The following EIF5B variants were observed in gnomAD, a reference collection of about 807,000 sequenced individuals.
EIF5B encodes eukaryotic translation initiation factor 5B, also known as eIF-5B.
EIF5B carries 47 observed loss-of-function variants against 147.5 expected under a neutral mutation model. The observed-to-expected ratio is 0.32, with a 90% CI of 0.25 to 0.41. The LOEUF (loss-of-function observed/expected upper bound fraction) is 0.41. EIF5B is among the 10% of genes least tolerant of loss of function. The probability of loss-of-function intolerance (pLI) is 1.00; values close to 1 mark genes in which losing one functional copy is unlikely to be tolerated. For missense variants in EIF5B, 1,064 were observed against 1,413.2 expected (o/e 0.75, Z 3.96); for synonymous variants, 455 against 456.2 (o/e 1.00, Z 0.03).
At chr2:99,378,280 A>G (rs1559255240) in intron 10 of EIF5B, among the ~76,000 whole-genome samples, 2 of 152,202 alleles carry the variant, frequency 1.3e-5, no homozygotes, top group African/African-American at 2.4e-5. Flanking sequence ...CTTCAAGTTT[A>G]TCTAATTTGA....
At chr2:99,383,877 G>C (rs1312022664) in intron 14 of EIF5B, among the ~76,000 whole-genome samples, 2 of 152,084 alleles carry the variant, frequency 1.3e-5, no homozygotes, top group African/African-American at 4.8e-5. Context: ...TCTAGTTAGG[G>C]TCTAATGTGG....
intron 1 of EIF5B, among the ~76,000 whole-genome samples, chr2:99,358,827 A>C (rs1193568805): frequency 3.9e-5 from 6 of 152,194 alleles, no homozygotes; most frequent in Non-Finnish European, 8.8e-5. Context: ...ACTGCAGCAG[A>C]TCAGTGTCAA....
Position 99,376,384 on chromosome 2 carries a change from C to T in EIF5B, c.1590C>T (p.Asn530=), listed in dbSNP as rs752240599. 1.3e-6 allele frequency: 2 copies of T among 1,513,380 alleles called. No homozygotes were observed. Among genetic ancestry groups the T allele is most frequent in the African/African-American group, 1.4e-5 (1 of 70,662 alleles). The allele number at this position is 1,513,380 out of a possible 1,614,324, so 93.7% of individuals were successfully genotyped here. A position where few individuals can be genotyped will look rare whatever the true frequency, so the allele number is the denominator to read the frequency against. ...GNKVHIEVKE[N]PEEEEEEEEE... is the part of the protein sequence containing the mutation. ...AAGTTCATATAGAAGTAAAAGAAAA[C>T]CCTGAAGAGGAGGAGGAGGAGGAAG... The change falls in exon 10 of 24, where the codon AAC becomes AAT. Residue 530 remains asparagine, a synonymous_variant. Coordinates refer to ENST00000289371, the MANE Select transcript of EIF5B (RefSeq NM_015904.4).
intron 1 of EIF5B, among the ~76,000 whole-genome samples, chr2:99,339,303 G>A (rs1029945945): frequency 6.6e-6 from 1 of 151,528 alleles, no homozygotes; most frequent in Non-Finnish European, 1.5e-5. Flanking sequence ...GTGATCCATC[G>A]CCCCTGGCCC....
chr2:99,356,909 T>A (rs1674108842), intron 1 of EIF5B, among the ~76,000 whole-genome samples: 1 of 152,208 alleles, frequency 6.6e-6, no homozygotes, highest in Non-Finnish European at 1.5e-5. Context: ...TGCCCCTAAT[T>A]TGACAAGGTG....
intron 4 of EIF5B, among the ~76,000 whole-genome samples, chr2:99,363,240 T>C (rs1476353481): frequency 6.6e-6 from 1 of 152,182 alleles, no homozygotes; most frequent in Admixed American, 6.5e-5. Context: ...CTTGTAGAAG[T>C]GAAATTAGCT....
intron 1 of EIF5B, 65 bp from the exon 2 acceptor site, chr2:99,360,171 T>G (rs552085788): frequency 1.3e-6 from 2 of 1,523,008 alleles, no homozygotes; most frequent in African/African-American, 2.8e-5. Context: ...AATGATAAAA[T>G]CTATATAAAT....
At chr2:99,343,780 C>G (rs1003345182) in intron 1 of EIF5B, among the ~76,000 whole-genome samples, 10 of 151,202 alleles carry the variant, frequency 6.6e-5, no homozygotes, top group African/African-American at 2.4e-4. Flanking sequence ...CACCACTGCA[C>G]GTCAGCCTGG....
At chr2:99,348,529 A>C (rs2094277911) in intron 1 of EIF5B, among the ~76,000 whole-genome samples, 1 of 152,236 alleles carries the variant, frequency 6.6e-6, no homozygotes, top group African/African-American at 2.4e-5. Flanking sequence ...GAGATGTCAG[A>C]AGGTAACCTG....
At chr2:99,398,439 C>T in intron 22 of EIF5B, 1 of 227,978 alleles carries the variant, frequency 4.4e-6, no homozygotes, top group Middle Eastern at 1.8e-3. Flanking sequence ...CTGATCCCTC[C>T]TATTACGGCA....
rs1175417351 is a variant in EIF5B, at chr2:99,400,242, TTAG to T, written c.*832_*834del. ...TGATCTGTTTTAATCTTGATCTGTT[TTAG>T]TAGAGATTTTTATACATTAATCTTG... On this transcript the variant is annotated 3_prime_UTR_variant, in exon 24 of 24. Coordinates refer to ENST00000289371, the MANE Select transcript of EIF5B (RefSeq NM_015904.4). 6.6e-6 allele frequency: 1 copy of T among 151,126 alleles called. No individual in the cohort carries two copies. Among genetic ancestry groups the T allele is most frequent in the Non-Finnish European group, 1.5e-5 (1 of 67,988 alleles). 9.4% of individuals were successfully genotyped at this position (151,126 alleles called of 1,614,324 possible). A position where few individuals can be genotyped will look rare whatever the true frequency, so the allele number is the denominator to read the frequency against.
chr2:99,386,480 T>C (rs1221982666), intron 14 of EIF5B, among the ~76,000 whole-genome samples: 9 of 149,092 alleles, frequency 6.0e-5, no homozygotes, highest in African/African-American at 2.2e-4. Context: ...TGTGTGTGTG[T>C]GTGTGTGTGT....
At chr2:99,375,030 A>G (rs1321313029) in intron 9 of EIF5B, among the ~76,000 whole-genome samples, 4 of 151,584 alleles carry the variant, frequency 2.6e-5, no homozygotes, top group Admixed American at 2.0e-4. Flanking sequence ...TTCATTTGTT[A>G]TATTTTTCAG....
chr2:99,401,226 GCT>G lies in EIF5B; in HGVS notation c.*1817_*1818del, dbSNP rs1559268133. 3.3e-6 allele frequency: 5 copies of G among 1,503,152 alleles called. No individual in the cohort carries two copies. The highest frequency in any genetic ancestry group is 2.3e-5 in the East Asian group (1 of 44,350). 93.1% of individuals were successfully genotyped at this position (1,503,152 alleles called of 1,614,324 possible). A position where few individuals can be genotyped will look rare whatever the true frequency, so the allele number is the denominator to read the frequency against. ...TGGCACAGCTATCAGAGAGCATCAG[GCT>G]CTCTGGTAATATTTATGTAACTTTT... On this transcript the variant is annotated 3_prime_UTR_variant, in exon 24 of 24. Coordinates refer to ENST00000289371, the MANE Select transcript of EIF5B (RefSeq NM_015904.4).
intron 9 of EIF5B, among the ~76,000 whole-genome samples, chr2:99,373,762 T>C (rs1223660954): frequency 6.6e-6 from 1 of 152,246 alleles, no homozygotes; most frequent in East Asian, 1.9e-4. Flanking sequence ...CGTTTTTTGT[T>C]CTGCCTGGTT....
At chr2:99,395,459 G>A (rs527432157) in intron 21 of EIF5B, among the ~76,000 whole-genome samples, 19 of 152,186 alleles carry the variant, frequency 1.2e-4, no homozygotes, top group African/African-American at 4.3e-4. Flanking sequence ...TTGGCCTCCC[G>A]AGTAGTTGAG....
At chr2:99,363,539 C>T (rs555902529) in intron 4 of EIF5B, 106 bp from the exon 5 acceptor site, 10 of 1,121,068 alleles carry the variant, frequency 8.9e-6, no homozygotes, top group Admixed American at 4.7e-5. Context: ...CTGCTGGCAT[C>T]GGCCTTGGCC....
intron 7 of EIF5B, 29 bp downstream of exon 7, chr2:99,368,620 G>A (rs770719778): frequency 2.3e-4 from 352 of 1,533,070 alleles, no homozygotes; most frequent in Non-Finnish European, 2.3e-4. Context: ...CTCTAATTTA[G>A]GAAATATGTT....
intron 12 of EIF5B, among the ~76,000 whole-genome samples, chr2:99,380,416 T>G (rs1287731060): frequency 6.6e-6 from 1 of 152,206 alleles, no homozygotes; most frequent in Non-Finnish European, 1.5e-5. Flanking sequence ...TTAGTCCATT[T>G]CAGTTATTAT....
Sources: gnomAD v4.1 joint callset for allele counts (sites outside exome capture counted in the v4.1 genomes callset) on GRCh38, gnomAD v4.1.1 for gene constraint, MANE v1.5 for transcripts, NCBI Gene and HGNC (gene_info 2026-07-23, HGNC 2026-07-21) for gene names.